Variants in TNIK observed in about 807,000 individuals in gnomAD.
The protein encoded by TNIK is TRAF2 and NCK interacting kinase.
TNIK carries 49 observed loss-of-function variants against 191.3 expected under a neutral mutation model. The ratio of observed to expected loss-of-function variants is 0.26; its 90% CI spans 0.20 to 0.32. TNIK has a LOEUF of 0.32. Ranked by LOEUF, TNIK falls within the 10% of genes least tolerant of loss-of-function variation. The pLI, the probability that TNIK is intolerant of heterozygous loss-of-function variation, is 1.00. For synonymous variants in TNIK, 594 were observed against 600.9 expected, an observed-to-expected ratio of 0.99 and a Z score of 0.17; for missense variants, 1,155 against 1,702.3, an observed-to-expected ratio of 0.68 and a Z score of 5.66.
chr3:171,101,974 T>C (rs1723645983), intron 21 of TNIK: 1 of 169,138 alleles, frequency 5.9e-6, no homozygotes, highest in African/African-American at 2.4e-5. Context: ...CCAGAGTTAA[T>C]GGGAAAATAT....
chr3:171,262,941 T>A (rs1041689045), intron 2 of TNIK, among the ~76,000 whole-genome samples: 1 of 152,190 alleles, frequency 6.6e-6, no homozygotes, highest in Non-Finnish European at 1.5e-5. Context: ...TCCCTTCTGA[T>A]GAAACACTCA....
At chr3:171,102,896 G>A (rs963214107) in intron 21 of TNIK, among the ~76,000 whole-genome samples, 1 of 152,152 alleles carries the variant, frequency 6.6e-6, no homozygotes, top group Admixed American at 6.5e-5. Context: ...TTTATTTTGA[G>A]AATACAACAA....
chr3:171,358,380 G>A (rs1276072810), intron 2 of TNIK, among the ~76,000 whole-genome samples: 2 of 152,144 alleles, frequency 1.3e-5, no homozygotes, highest in Non-Finnish European at 2.9e-5. Flanking sequence ...CTTACATGGT[G>A]CAGACAAGAA....
chr3:171,455,751 A>G (rs952113828), intron 1 of TNIK, among the ~76,000 whole-genome samples: 2 of 152,184 alleles, frequency 1.3e-5, no homozygotes, highest in Non-Finnish European at 2.9e-5. Context: ...TAAATGTCCT[A>G]CCCAAAGTCA....
intron 21 of TNIK, among the ~76,000 whole-genome samples, chr3:171,105,344 T>G (rs1489995368): frequency 6.6e-6 from 1 of 152,178 alleles, no homozygotes; most frequent in Non-Finnish European, 1.5e-5. Context: ...AGCACCCCTC[T>G]GCTCTATCCA....
At chr3:171,107,945 A>G in intron 20 of TNIK, 120 bp downstream of exon 20, 1 of 944,308 alleles carries the variant, frequency 1.1e-6, no homozygotes, top group Non-Finnish European at 1.6e-6. Context: ...TGTTTCTAGC[A>G]TCCGTTCTTA....
At chr3:171,445,352 G>A (rs751485103) in intron 1 of TNIK, among the ~76,000 whole-genome samples, 12 of 151,404 alleles carry the variant, frequency 7.9e-5, no homozygotes, top group African/African-American at 2.9e-4. Context: ...ACCGGAGGTC[G>A]AAGCTGCAGT....
intron 1 of TNIK, among the ~76,000 whole-genome samples, chr3:171,379,763 C>A (rs1433651093): frequency 6.6e-6 from 1 of 152,152 alleles, no homozygotes; most frequent in Admixed American, 6.5e-5. Context: ...GTAATCCCAG[C>A]ACTTTGGGAG....
rs528483576 is a variant in TNIK at position 171,197,386 on chromosome 3, TA to T, written c.307-2752del. ...GACAACAAATGCACAAGCACCAAAA[TA>T]AAAAAAAAAGAAAAAATTAATTTTA... On this transcript the variant is annotated intron_variant, in intron 4 of 32. Transcript: ENST00000436636. Among the ~76,000 whole-genome samples the T allele has an allele frequency of 9.9e-3, 1,418 of 142,752 alleles. 14 individuals carry two copies. The highest frequency in any genetic ancestry group is 0.016 in the Non-Finnish European group (1,053 of 64,830). The allele number at this position is 142,752 out of a possible 152,430, so 93.7% of individuals were successfully genotyped here. A position where few individuals can be genotyped will look rare whatever the true frequency, so the allele number is the denominator to read the frequency against.
chr3:171,294,185 C>T (rs757021661), intron 2 of TNIK, among the ~76,000 whole-genome samples: 7 of 151,842 alleles, frequency 4.6e-5, no homozygotes, highest in South Asian at 2.1e-4. Context: ...GCCGAGATGG[C>T]GCCACTGCAC....
intron 2 of TNIK, among the ~76,000 whole-genome samples, chr3:171,264,055 T>TA (rs950957829): frequency 3.0e-5 from 4 of 131,160 alleles, no homozygotes; most frequent in African/African-American, 1.2e-4. Flanking sequence ...TGTGTGTGTG[T>TA]ATATATATAC....
rs1182614720 is a variant in TNIK, at chr3:171,309,261, G to A, written c.123+60359C>T. On this transcript the variant is annotated intron_variant, in intron 2 of 32. Coordinates refer to ENST00000436636, the MANE Select transcript of TNIK (RefSeq NM_015028.4). ...CCATGTCTTTTGCAGCAACATGGAT[G>A]GAGCTGGAGGTCATCATCCCAAGTA... Among the ~76,000 whole-genome samples the A allele has an allele frequency of 2.0e-5, 3 of 152,128 alleles. No homozygotes were observed. In the East Asian group the frequency reaches 5.8e-4, roughly 29 times the overall value.
intron 2 of TNIK, among the ~76,000 whole-genome samples, chr3:171,351,890 A>G (rs537077082): frequency 2.6e-5 from 4 of 152,342 alleles, no homozygotes; most frequent in African/African-American, 9.6e-5. Flanking sequence ...TAAATGGTGC[A>G]TTTCAGGCAC....
intron 1 of TNIK, among the ~76,000 whole-genome samples, chr3:171,425,986 C>T (rs370090193): frequency 1.3e-5 from 2 of 152,084 alleles, no homozygotes; most frequent in African/African-American, 2.4e-5. Flanking sequence ...CCATTGTGGA[C>T]GTCAGTGTGG....
intron 2 of TNIK, among the ~76,000 whole-genome samples, chr3:171,352,366 G>C (rs1713349486): frequency 6.6e-6 from 1 of 152,180 alleles, no homozygotes; most frequent in Admixed American, 6.5e-5. Context: ...CAAGTATGGA[G>C]GGAGACCATT....
At chr3:171,440,478 A>G (rs2901706) in intron 1 of TNIK, among the ~76,000 whole-genome samples, 25,480 of 152,184 alleles carry the variant, frequency 0.17, 3,132 homozygotes, top group East Asian at 0.69. Flanking sequence ...TGTGGGAACA[A>G]AAGAGCTGAG....
At chr3:171,252,666 T>A (rs1046932939) in intron 2 of TNIK, among the ~76,000 whole-genome samples, 1 of 152,210 alleles carries the variant, frequency 6.6e-6, no homozygotes, top group Non-Finnish European at 1.5e-5. Flanking sequence ...TTGCATAGCA[T>A]TGGTTCTTTG....
At chr3:171,337,474 T>C (rs770826737) in intron 2 of TNIK, among the ~76,000 whole-genome samples, 1 of 152,250 alleles carries the variant, frequency 6.6e-6, no homozygotes, top group Non-Finnish European at 1.5e-5. Flanking sequence ...CCTTTGCATG[T>C]AAATACGGTT....
In TNIK at chr3:171,077,640, G is replaced by T. The variant is rs560360611; in HGVS notation, c.3448+1878C>A. 2.6e-5 allele frequency among the ~76,000 whole-genome samples: 4 copies of T among 152,164 alleles called. No individual in the cohort carries two copies. The East Asian group carries it at 5.8e-4, about 22-fold the overall frequency. On this transcript the variant is annotated intron_variant, in intron 28 of 32. Coordinates refer to ENST00000436636, the MANE Select transcript of TNIK (RefSeq NM_015028.4). ...GTGGAACAACACCATCAGCTCTCCT[G>T]GTTCTCAGGCCTTCAGATTTGAACT...
Sources: allele counts gnomAD v4.1 joint callset (sites outside exome capture counted in the v4.1 genomes callset), GRCh38; gene constraint gnomAD v4.1.1; transcripts MANE v1.5; gene names NCBI Gene and HGNC (gene_info 2026-07-23, HGNC 2026-07-21).